The following SNX9 variants were observed in gnomAD, a reference collection of about 807,000 sequenced individuals.
SNX9 encodes sorting nexin 9.
A neutral mutation model predicts 89.4 loss-of-function variants in SNX9; 44 were observed. That is an observed-to-expected ratio of 0.49 (90% CI 0.39 to 0.63). The LOEUF is 0.63. Among genes scored for constraint, SNX9 ranks in the 30% least tolerant of loss-of-function variants. The probability of loss-of-function intolerance (pLI) is 0.00; values close to 1 mark genes in which losing one functional copy is unlikely to be tolerated. For synonymous variants in SNX9, 236 were observed against 247.8 expected (o/e 0.95, Z 0.45); for missense variants, 578 against 736.1 (o/e 0.79, Z 2.49).
intron 1 of SNX9, among the ~76,000 whole-genome samples, chr6:157,824,526 G>T (rs186485760): frequency 6.6e-6 from 1 of 152,088 alleles, no homozygotes; most frequent in Non-Finnish European, 1.5e-5. Flanking sequence ...TTTATTTTTC[G>T]ATAGGTGTTT....
chr6:157,883,435 C>T (rs1284092475), intron 4 of SNX9, among the ~76,000 whole-genome samples: 1 of 152,106 alleles, frequency 6.6e-6, no homozygotes, highest in East Asian at 1.9e-4. Context: ...TAATCATTTG[C>T]TACATGTCAG....
chr6:157,918,223 G>T (rs1477043200), intron 9 of SNX9, among the ~76,000 whole-genome samples: 1 of 152,048 alleles, frequency 6.6e-6, no homozygotes, highest in East Asian at 1.9e-4. Flanking sequence ...TTAACATTAT[G>T]ATTAGTGGAC....
In SNX9 at chr6:157,921,628, T is replaced by A; in HGVS notation, c.1047T>A (p.Val349=). Residue 349 remains valine, a synonymous_variant, in exon 10 of 18, where the codon GTT becomes GTA. Coordinates refer to ENST00000392185, the MANE Select transcript of SNX9 (RefSeq NM_016224.5). ...ATCCAGTAATCTCAGAAAGTGAAGTTTTCCAGCAGTTCCTAAATTTCCGAG... is the reference window on the plus strand; with the variant it reads ...ATCCAGTAATCTCAGAAAGTGAAGTATTCCAGCAGTTCCTAAATTTCCGAG... ...CRHPVISESE[V]FQQFLNFRDE... is the part of the protein sequence containing the mutation. 1 of 1,614,074 alleles carries A rather than the reference T, an allele frequency of 6.2e-7. No individual in the cohort carries two copies. The highest frequency in any genetic ancestry group is 8.5e-7 in the Non-Finnish European group (1 of 1,179,934).
chr6:157,906,962 G>A (rs183614936), intron 7 of SNX9, among the ~76,000 whole-genome samples: 1 of 152,228 alleles, frequency 6.6e-6, no homozygotes, highest in East Asian at 1.9e-4. Flanking sequence ...GGAAACATCT[G>A]GTCTTATTCT....
intron 5 of SNX9, among the ~76,000 whole-genome samples, chr6:157,901,011 T>C (rs1783085390): frequency 6.6e-6 from 1 of 152,170 alleles, no homozygotes; most frequent in African/African-American, 2.4e-5. Flanking sequence ...TGTCTGTTTA[T>C]AGGCTCTTTA....
At chr6:157,933,735 A>T (rs1326837304) in intron 13 of SNX9, among the ~76,000 whole-genome samples, 1 of 152,166 alleles carries the variant, frequency 6.6e-6, no homozygotes, top group Non-Finnish European at 1.5e-5. Context: ...CAACAGGGTG[A>T]GAAGATTTGT....
chr6:157,897,631 C>CT (rs573584393), intron 5 of SNX9, among the ~76,000 whole-genome samples: 59 of 152,278 alleles, frequency 3.9e-4, no homozygotes, highest in African/African-American at 1.3e-3. Context: ...CCTCAGCCTC[C>CT]TGAGTAGCTG....
At chr6:157,844,587 G>GTTTTTTTGTTT (rs1554291784) in intron 1 of SNX9, among the ~76,000 whole-genome samples, 22 of 130,296 alleles carry the variant, frequency 1.7e-4, no homozygotes, top group East Asian at 6.7e-4. Context: ...GCTAATCCTT[G>GTTTTTTTGTTT]TTTTTTTTTT....
chr6:157,848,739 T>C (rs1781852001), intron 1 of SNX9, among the ~76,000 whole-genome samples: 1 of 152,120 alleles, frequency 6.6e-6, no homozygotes, highest in Non-Finnish European at 1.5e-5. Flanking sequence ...GTTTAGAGAA[T>C]GCAGACATGT....
intron 2 of SNX9, among the ~76,000 whole-genome samples, chr6:157,869,114 G>C (rs1782335161): frequency 6.6e-6 from 1 of 152,214 alleles, no homozygotes; most frequent in African/African-American, 2.4e-5. Context: ...AAGGGAACTT[G>C]TTGTGTCTGT....
At chr6:157,852,419 C>T (rs1402641071) in intron 1 of SNX9, among the ~76,000 whole-genome samples, 5 of 151,764 alleles carry the variant, frequency 3.3e-5, no homozygotes, top group African/African-American at 1.2e-4. Context: ...CCATTTTTTC[C>T]TCCCTCCCTC....
chr6:157,916,356 C>A (rs1783471966), intron 9 of SNX9, among the ~76,000 whole-genome samples: 1 of 152,138 alleles, frequency 6.6e-6, no homozygotes, highest in African/African-American at 2.4e-5. Context: ...TTAATGTAGA[C>A]AATCATGTCA....
intron 16 of SNX9, among the ~76,000 whole-genome samples, chr6:157,940,410 A>G (rs1784013757): frequency 6.6e-6 from 1 of 152,200 alleles, no homozygotes; most frequent in African/African-American, 2.4e-5. Context: ...GTTTGTCATT[A>G]GCTTGTTTTG....
chr6:157,900,994 C>G (rs1783084721), intron 5 of SNX9, among the ~76,000 whole-genome samples: 1 of 152,080 alleles, frequency 6.6e-6, no homozygotes, highest in Non-Finnish European at 1.5e-5. Context: ...TGGACGGTGC[C>G]CCCATGTGTC....
chr6:157,941,110 G>T, intron 17 of SNX9, 136 bp downstream of exon 17: 2 of 728,322 alleles, frequency 2.7e-6, no homozygotes, highest in African/African-American at 1.8e-5. Flanking sequence ...ATTTTGGACA[G>T]GATTTTTTTA....
intron 1 of SNX9, among the ~76,000 whole-genome samples, chr6:157,834,150 GTTTTTTTTTTTTTTTTTTTTTT>G (rs561509955): frequency 6.5e-4 from 23 of 35,622 alleles, no homozygotes; most frequent in Non-Finnish European, 1.0e-3. Flanking sequence ...GTCCACTGTG[GTTTTTTTTTTTTTTTTTTTTTT>G]TTTTTTTTTT....
rs1784104705 is a variant in SNX9, at chr6:157,944,505, A to G, written c.*1667A>G. 6.6e-6 allele frequency: 1 copy of G among 152,654 alleles called. No homozygotes were observed. The highest frequency in any genetic ancestry group is 1.5e-5 in the Non-Finnish European group (1 of 68,044). 9.5% of individuals were successfully genotyped at this position (152,654 alleles called of 1,614,324 possible). A position where few individuals can be genotyped will look rare whatever the true frequency, so the allele number is the denominator to read the frequency against. On this transcript the variant is annotated 3_prime_UTR_variant, in exon 18 of 18. Transcript: ENST00000392185. ...TAAATAAATTGTTTAAAAAAACTGT[A>G]CAGTAAATTCTCAAAGCACTTTTTC...
intron 9 of SNX9, among the ~76,000 whole-genome samples, chr6:157,912,408 C>G (rs1783366625): frequency 6.8e-6 from 1 of 148,022 alleles, no homozygotes; most frequent in Non-Finnish European, 1.5e-5. Context: ...TCCTTCCATA[C>G]TAAGATTTGT....
intron 1 of SNX9, chr6:157,830,096 T>C (rs1293123637): frequency 6.6e-6 from 1 of 152,238 alleles, no homozygotes; most frequent in African/African-American, 2.4e-5. Flanking sequence ...ATTTTAGTTA[T>C]ATCTTTTTCA....
Sources: allele counts gnomAD v4.1 joint callset (sites outside exome capture counted in the v4.1 genomes callset), GRCh38; gene constraint gnomAD v4.1.1; transcripts MANE v1.5; gene names NCBI Gene and HGNC (gene_info 2026-07-23, HGNC 2026-07-21).